Variants in GUCY1A2 observed in about 807,000 individuals in gnomAD.
The protein encoded by GUCY1A2 is guanylate cyclase soluble subunit alpha-2.
Under a neutral mutation model 63.5 loss-of-function variants are expected in GUCY1A2, and 27 were observed. The observed-to-expected ratio is 0.43, with a 90% confidence interval of 0.31 to 0.59. The LOEUF is 0.59. GUCY1A2 is among the 20% of genes least tolerant of loss of function. GUCY1A2 has a pLI of 0.11. For missense variants in GUCY1A2, 768 were observed against 913.3 expected (o/e 0.84, Z 2.05); for synonymous variants, 364 against 343.5 (o/e 1.06, Z -0.66).
intron 4 of GUCY1A2, among the ~76,000 whole-genome samples, chr11:106,897,167 T>C (rs971010334): frequency 2.0e-5 from 3 of 151,940 alleles, no homozygotes; most frequent in Non-Finnish European, 4.4e-5. Context: ...ATGAAGAAAA[T>C]AACAAAACTC....
chr11:107,006,128 A>G (rs1299688755), intron 1 of GUCY1A2, among the ~76,000 whole-genome samples: 1 of 152,256 alleles, frequency 6.6e-6, no homozygotes, highest in East Asian at 1.9e-4. Flanking sequence ...TTATCCAGTG[A>G]TGCCCAAGAT....
chr11:106,800,551 T>C (rs1864856225), intron 5 of GUCY1A2, among the ~76,000 whole-genome samples: 1 of 152,148 alleles, frequency 6.6e-6, no homozygotes, highest in African/African-American at 2.4e-5. Flanking sequence ...TGGAATACTA[T>C]GCAGCCATAA....
chr11:106,827,046 T>C (rs969995348), intron 4 of GUCY1A2: 6 of 1,583,640 alleles, frequency 3.8e-6, no homozygotes, highest in South Asian at 1.1e-5. Context: ...TATGGTCTCT[T>C]GGAAAAGTGA....
At position 106,725,152 on chromosome 11, in the gene GUCY1A2, CTTTTTTTTTTTTTTTTTTTTTTTTTT is replaced by C. The variant is rs773251118; in HGVS notation, c.1837-16512_1837-16487del. Among the ~76,000 whole-genome samples, 4 of 22,988 alleles carry C rather than the reference CTTTTTTTTTTTTTTTTTTTTTTTTTT, an allele frequency of 1.7e-4. No homozygotes were observed. In the East Asian group the frequency reaches 5.8e-3, roughly 34 times the overall value. 15.1% of individuals were successfully genotyped at this position (22,988 alleles called of 152,430 possible). A position where few individuals can be genotyped will look rare whatever the true frequency, so the allele number is the denominator to read the frequency against. On this transcript the variant is annotated intron_variant, in intron 6 of 7. Transcript: ENST00000526355. ...ATGTATCTTCTTATTGACATAAATT[CTTTTTTTTTTTTTTTTTTTTTTTTTT>C]TTTTTTTTTTTTGAGACGGAGTCTC...
chr11:106,894,560 A>T (rs2135480275), intron 4 of GUCY1A2, among the ~76,000 whole-genome samples: 1 of 152,324 alleles, frequency 6.6e-6, no homozygotes, highest in East Asian at 1.9e-4. Context: ...CATAAAACAC[A>T]CTTTAACAAA....
chr11:106,938,991 A>G (rs1456587465), intron 4 of GUCY1A2, among the ~76,000 whole-genome samples: 1 of 152,224 alleles, frequency 6.6e-6, no homozygotes, highest in East Asian at 1.9e-4. Context: ...TCTGCATATT[A>G]AGACAAAAAT....
At chr11:106,889,319 A>T (rs569146440) in intron 4 of GUCY1A2, among the ~76,000 whole-genome samples, 2 of 152,322 alleles carry the variant, frequency 1.3e-5, no homozygotes, top group Admixed American at 1.3e-4. Context: ...AAAGTTGTGG[A>T]GATAGAAGCT....
At chr11:106,723,278 A>G (rs1863350268) in intron 6 of GUCY1A2, among the ~76,000 whole-genome samples, 1 of 152,208 alleles carries the variant, frequency 6.6e-6, no homozygotes, top group African/African-American at 2.4e-5. Flanking sequence ...TTTTCAGACC[A>G]CAGCTTAGAA....
At chr11:106,708,050 G>A (rs1862947767) in intron 7 of GUCY1A2, among the ~76,000 whole-genome samples, 1 of 151,866 alleles carries the variant, frequency 6.6e-6, no homozygotes. Context: ...TAAAACACTT[G>A]TGGTCCCAAG....
chr11:106,810,969 T>C (rs186051235), intron 4 of GUCY1A2, among the ~76,000 whole-genome samples: 116 of 152,264 alleles, frequency 7.6e-4, no homozygotes, highest in Non-Finnish European at 1.2e-3. Context: ...TCAACTATTA[T>C]AGTACTTTTA....
rs1862343497 is a variant in GUCY1A2 at position 106,676,231 on chromosome 11, A to G, written c.*11318T>C. On this transcript the variant is annotated 3_prime_UTR_variant, in exon 8 of 8. Transcript: ENST00000526355. The stretch of plus-strand genomic sequence containing the variant: ...ATAAAGTCAATTAGAAATACCTACA[A>G]TGGAAGAATGCCCTTACTCTTAAAG... The G allele has an allele frequency of 5.5e-6, 1 of 181,724 alleles. No homozygotes were observed. The highest frequency in any genetic ancestry group is 1.2e-5 in the Non-Finnish European group (1 of 85,192). The allele number at this position is 181,724 out of a possible 1,614,324, so 11.3% of individuals were successfully genotyped here.
intron 6 of GUCY1A2, among the ~76,000 whole-genome samples, chr11:106,735,753 G>C (rs1863578635): frequency 6.6e-6 from 1 of 152,076 alleles, no homozygotes; most frequent in Non-Finnish European, 1.5e-5. Flanking sequence ...CCCACCAACA[G>C]CATATGAGGG....
At chr11:106,888,311 A>T (rs1313598818) in intron 4 of GUCY1A2, among the ~76,000 whole-genome samples, 2 of 151,706 alleles carry the variant, frequency 1.3e-5, no homozygotes, top group Non-Finnish European at 2.9e-5. Context: ...ACAAAAAAAA[A>T]AAAATTAGCC....
intron 6 of GUCY1A2, among the ~76,000 whole-genome samples, chr11:106,725,061 C>T (rs1431412199): frequency 6.6e-6 from 1 of 150,682 alleles, no homozygotes; most frequent in African/African-American, 2.4e-5. Context: ...ATTAGGATTG[C>T]AGACTGAATT....
At position 106,774,118 on chromosome 11, in the gene GUCY1A2, CCAAT is replaced by C. The variant is rs1418070315; in HGVS notation, c.1836+2317_1836+2320del. Among the ~76,000 whole-genome samples, 4 of 152,052 alleles carry C rather than the reference CCAAT, an allele frequency of 2.6e-5. No homozygotes were observed. In the East Asian group the frequency reaches 5.8e-4, roughly 22 times the overall value. ...TATTGAATGCCTTGTCCTTTTCACA[CCAAT>C]CAATGTCACTTTTATAATTTTTTTT... On this transcript the variant is annotated intron_variant, in intron 6 of 7. Coordinates refer to ENST00000526355, the MANE Select transcript of GUCY1A2 (RefSeq NM_000855.3).
At chr11:106,908,078 G>A (rs1234901237) in intron 4 of GUCY1A2, among the ~76,000 whole-genome samples, 1 of 152,024 alleles carries the variant, frequency 6.6e-6, no homozygotes, top group Non-Finnish European at 1.5e-5. Flanking sequence ...ATTAGTTCAT[G>A]TACACCAAAT....
chr11:106,862,587 C>T (rs968625924), intron 4 of GUCY1A2, among the ~76,000 whole-genome samples: 2 of 152,048 alleles, frequency 1.3e-5, no homozygotes, highest in Non-Finnish European at 2.9e-5. Flanking sequence ...TTTGTGGGCA[C>T]TCTAAGGGAA....
intron 6 of GUCY1A2, among the ~76,000 whole-genome samples, chr11:106,773,284 A>G (rs566698630): frequency 6.6e-6 from 1 of 152,156 alleles, no homozygotes; most frequent in East Asian, 1.9e-4. Context: ...GAATAATACT[A>G]CAGCATTCTT....
chr11:106,712,894 A>G (rs1863144848), intron 6 of GUCY1A2, among the ~76,000 whole-genome samples: 1 of 152,176 alleles, frequency 6.6e-6, no homozygotes, highest in African/African-American at 2.4e-5. Context: ...CCAGGGCTCA[A>G]GTAGTTTCTT....
Sources: allele counts gnomAD v4.1 joint callset (sites outside exome capture counted in the v4.1 genomes callset), GRCh38; gene constraint gnomAD v4.1.1; transcripts MANE v1.5; gene names NCBI Gene and HGNC (gene_info 2026-07-23, HGNC 2026-07-21).